PEX14: variants seen among roughly 807,000 people sequenced by gnomAD.
PEX14 encodes the protein peroxisomal membrane protein PEX14.
PEX14 carries 15 observed loss-of-function variants against 49.5 expected under a neutral mutation model. The observed-to-expected ratio is 0.30, with a 90% CI of 0.20 to 0.47. PEX14 has a LOEUF of 0.47. PEX14 is among the 20% of genes least tolerant of loss of function. PEX14 has a pLI of 1.00. For missense variants in PEX14, 398 were observed against 494.8 expected, an observed-to-expected ratio of 0.80 and a Z score of 1.86; for synonymous variants, 210 against 212.7, an observed-to-expected ratio of 0.99 and a Z score of 0.11.
At chr1:10,523,282 G>T (rs1204623829) in intron 2 of PEX14, among the ~76,000 whole-genome samples, 1 of 152,056 alleles carries the variant, frequency 6.6e-6, no homozygotes, top group Admixed American at 6.5e-5. Context: ...GTAAAGCTTC[G>T]CAGCGTATAA....
chr1:10,603,351 A>G (rs1641039089), intron 4 of PEX14, among the ~76,000 whole-genome samples: 1 of 152,236 alleles, frequency 6.6e-6, no homozygotes, highest in Non-Finnish European at 1.5e-5. Context: ...GTTGTGATTT[A>G]ATGCCAAAAT....
chr1:10,624,114 T>C (rs149170235), intron 6 of PEX14, among the ~76,000 whole-genome samples: 1 of 152,248 alleles, frequency 6.6e-6, no homozygotes, highest in East Asian at 1.9e-4. Context: ...CTGTTGACCA[T>C]GGACAACTAC....
intron 5 of PEX14, among the ~76,000 whole-genome samples, chr1:10,620,204 C>G (rs1641548535): frequency 6.6e-6 from 1 of 152,118 alleles, no homozygotes; most frequent in Non-Finnish European, 1.5e-5. Flanking sequence ...AATCCCAGTA[C>G]TTTGGGAGGC....
At chr1:10,602,382 C>G (rs1253082817) in intron 4 of PEX14, among the ~76,000 whole-genome samples, 1 of 151,302 alleles carries the variant, frequency 6.6e-6, no homozygotes, top group Non-Finnish European at 1.5e-5. Flanking sequence ...GACTCTACCT[C>G]TTCACTTCTG....
At chr1:10,618,022 T>C (rs1407617704) in intron 4 of PEX14, among the ~76,000 whole-genome samples, 1 of 152,222 alleles carries the variant, frequency 6.6e-6, no homozygotes, top group African/African-American at 2.4e-5. Context: ...ACCATGCTGT[T>C]GGTCTTCAGA....
At chr1:10,535,828 G>A (rs958554292) in intron 2 of PEX14, 2 of 355,892 alleles carry the variant, frequency 5.6e-6, no homozygotes, top group Non-Finnish European at 1.1e-5. Context: ...CGTTTAGACA[G>A]GTGGAGGCAG....
At chr1:10,482,924 G>A (rs1029571802) in intron 1 of PEX14, among the ~76,000 whole-genome samples, 1 of 152,164 alleles carries the variant, frequency 6.6e-6, no homozygotes, top group Non-Finnish European at 1.5e-5. Flanking sequence ...TTTGTGAAAT[G>A]TTCCACCATC....
At chr1:10,598,380 T>C (rs1422309060) in intron 3 of PEX14, among the ~76,000 whole-genome samples, 3 of 152,212 alleles carry the variant, frequency 2.0e-5, no homozygotes, top group East Asian at 3.8e-4. Flanking sequence ...GTGTCCCAAA[T>C]TGGCTCAGAC....
chr1:10,537,237 A>G (rs559841249), intron 3 of PEX14, among the ~76,000 whole-genome samples: 65 of 148,648 alleles, frequency 4.4e-4, no homozygotes, highest in African/African-American at 1.6e-3. Flanking sequence ...AAGCCCAAAC[A>G]TTTCACCACA....
intron 4 of PEX14, among the ~76,000 whole-genome samples, chr1:10,615,707 G>A (rs1264314373): frequency 2.0e-5 from 3 of 152,242 alleles, no homozygotes; most frequent in Non-Finnish European, 4.4e-5. Flanking sequence ...TGATGGCAGC[G>A]TGGTGTGCAG....
At chr1:10,501,564 G>T (rs1396173202) in intron 2 of PEX14, among the ~76,000 whole-genome samples, 1 of 152,102 alleles carries the variant, frequency 6.6e-6, no homozygotes, top group Non-Finnish European at 1.5e-5. Context: ...GCCTCCCAAA[G>T]TGCTGGGATT....
chr1:10,566,618 A>G (rs1185661660), intron 3 of PEX14, among the ~76,000 whole-genome samples: 2 of 152,010 alleles, frequency 1.3e-5, no homozygotes, highest in Non-Finnish European at 2.9e-5. Context: ...CCTCCCGAGT[A>G]GCTAGGATTA....
chr1:10,604,472 A>G (rs1011904405), intron 4 of PEX14, among the ~76,000 whole-genome samples: 1 of 152,102 alleles, frequency 6.6e-6, no homozygotes, highest in African/African-American at 2.4e-5. Context: ...TTTAAAAAAC[A>G]AAACTAGCCA....
intron 3 of PEX14, among the ~76,000 whole-genome samples, chr1:10,571,646 TA>T (rs532683170): frequency 6.9e-4 from 105 of 152,036 alleles, no homozygotes; most frequent in Non-Finnish European, 1.3e-3. Flanking sequence ...CCATCTCTAC[TA>T]AAAATACAAA....
At chr1:10,497,973 C>T (rs1641598660) in intron 2 of PEX14, among the ~76,000 whole-genome samples, 2 of 152,148 alleles carry the variant, frequency 1.3e-5, no homozygotes, top group South Asian at 2.1e-4. Flanking sequence ...AATAATTTTT[C>T]CCCTTATTAA....
intron 3 of PEX14, among the ~76,000 whole-genome samples, chr1:10,555,179 G>T (rs1348696328): frequency 6.6e-6 from 1 of 151,714 alleles, no homozygotes; most frequent in Non-Finnish European, 1.5e-5. Flanking sequence ...TTCCTGTCCG[G>T]GATAGTCACT....
chr1:10,501,553 G>A (rs1452760126), intron 2 of PEX14, among the ~76,000 whole-genome samples: 6 of 151,966 alleles, frequency 3.9e-5, no homozygotes, highest in South Asian at 2.1e-4. Flanking sequence ...CGCCCGCCTC[G>A]GCCTCCCAAA....
chr1:10,611,606 A>G (rs1557427748), intron 4 of PEX14, among the ~76,000 whole-genome samples: 1 of 152,260 alleles, frequency 6.6e-6, no homozygotes, highest in Non-Finnish European at 1.5e-5. Flanking sequence ...TCCCATCAGC[A>G]ATATGTAAGA....
Position 10,540,136 on chromosome 1 carries a change from CCTT to C in PEX14, c.169+3842_169+3844del, listed in dbSNP as rs747547384. Among the ~76,000 whole-genome samples, 104 of 152,272 alleles carry C rather than the reference CCTT, an allele frequency of 6.8e-4. 1 individual carries two copies. The highest frequency in any genetic ancestry group is 1.2e-3 in the Non-Finnish European group (82 of 68,018). On this transcript the variant is annotated intron_variant, in intron 3 of 8. Coordinates refer to ENST00000356607, the MANE Select transcript of PEX14 (RefSeq NM_004565.3). Reference sequence around the variant, plus strand: ...TCCAAAAGGTGAAACTAGATCTTATCCTTCTACTGTTCCTGGAAGTAGAAACCC... The same window carrying C: ...TCCAAAAGGTGAAACTAGATCTTATCCTACTGTTCCTGGAAGTAGAAACCC...
Sources: gnomAD v4.1 joint callset for allele counts (sites outside exome capture counted in the v4.1 genomes callset) on GRCh38, gnomAD v4.1.1 for gene constraint, MANE v1.5 for transcripts, NCBI Gene and HGNC (gene_info 2026-07-23, HGNC 2026-07-21) for gene names.